ATP9A: variants seen among roughly 807,000 people sequenced by gnomAD.
ATP9A encodes the protein probable phospholipid-transporting ATPase IIA.
In ATP9A, 52 loss-of-function variants were observed where a neutral mutation model predicts 144.1. The observed-to-expected ratio is 0.36, with a 90% CI of 0.29 to 0.45. The LOEUF (loss-of-function observed/expected upper bound fraction) is 0.45. Among genes scored for constraint, ATP9A ranks in the 20% least tolerant of loss-of-function variants. The pLI is 1.00. For missense variants in ATP9A, 947 were observed against 1,392.7 expected (o/e 0.68, Z 5.09); for synonymous variants, 582 against 557.4 (o/e 1.04, Z -0.62).
At position 51,689,132 on chromosome 20, in the gene ATP9A, C is replaced by T. The variant is rs1171633020; in HGVS notation, c.731G>A (p.Ser244Asn). The T allele has an allele frequency of 3.1e-6, 5 of 1,613,950 alleles. No individual in the cohort carries two copies. The South Asian group carries it at 5.5e-5, about 18-fold the overall frequency. Residue 244 changes from serine to asparagine, a missense_variant, in exon 9 of 28, where the codon AGC (serine) becomes AAC (asparagine). Around this residue, in one of 2 missense-constraint regions of ATP9A, gnomAD observed 770 missense variants for 1,047.9 expected, o/e 0.73. Coordinates refer to ENST00000338821, the MANE Select transcript of ATP9A (RefSeq NM_006045.3). The part of the protein sequence containing the change: ...NFVGTFTRED[S>N]DPPISESLSI... Reference sequence around the variant, plus strand: ...CAGGCTCTCGCTGATCGGGGGGTCGCTGTCTTCCTGGAAAAGACCAAACGG... The same window carrying T: ...CAGGCTCTCGCTGATCGGGGGGTCGTTGTCTTCCTGGAAAAGACCAAACGG...
chr20:51,625,944 T>C (rs1014708330), intron 17 of ATP9A, among the ~76,000 whole-genome samples: 3 of 152,214 alleles, frequency 2.0e-5, no homozygotes, highest in African/African-American at 7.2e-5. Context: ...TGTTAAATAA[T>C]GGCTTACAAA....
chr20:51,702,331 A>G (rs1308262397), intron 4 of ATP9A, among the ~76,000 whole-genome samples: 5 of 149,016 alleles, frequency 3.4e-5, no homozygotes, highest in African/African-American at 1.2e-4. Context: ...ATAGATACAT[A>G]GTTTGGGCCT....
chr20:51,600,945 G>A lies in ATP9A; in HGVS notation c.*266C>T, dbSNP rs2077140167. ...CACAGTGACCCATATAAATCTCCCAGCTGAGCCACCAGCTTTAACATATTC... is the reference window on the plus strand; with the variant it reads ...CACAGTGACCCATATAAATCTCCCAACTGAGCCACCAGCTTTAACATATTC... On this transcript the variant is annotated 3_prime_UTR_variant, in exon 28 of 28. Transcript: ENST00000338821. 3.3e-6 allele frequency: 1 copy of A among 305,426 alleles called. No individual in the cohort carries two copies. Among genetic ancestry groups the A allele is most frequent in the African/African-American group, 2.1e-5 (1 of 46,704 alleles). 18.9% of individuals were successfully genotyped at this position (305,426 alleles called of 1,614,324 possible). A position where few individuals can be genotyped will look rare whatever the true frequency, so the allele number is the denominator to read the frequency against.
chr20:51,658,015 G>A (rs963271433), intron 13 of ATP9A, among the ~76,000 whole-genome samples: 1 of 152,224 alleles, frequency 6.6e-6, no homozygotes, highest in Non-Finnish European at 1.5e-5. Flanking sequence ...GAAAGGCCAG[G>A]AATGGGTTAA....
chr20:51,634,818 G>A (rs1601070819), intron 15 of ATP9A, among the ~76,000 whole-genome samples: 1 of 134,162 alleles, frequency 7.5e-6, no homozygotes, highest in Non-Finnish European at 1.5e-5. Context: ...TCACGCCATT[G>A]CACTCCAGTC....
intron 23 of ATP9A, among the ~76,000 whole-genome samples, chr20:51,610,651 G>GT (rs2077181502): frequency 6.6e-6 from 1 of 151,898 alleles, no homozygotes; most frequent in Admixed American, 6.6e-5. Context: ...AAGCCCAGCT[G>GT]TGGCCACAGC....
chr20:51,753,457 C>A (rs1409175669), intron 1 of ATP9A, among the ~76,000 whole-genome samples: 2 of 85,794 alleles, frequency 2.3e-5, no homozygotes, highest in Middle Eastern at 5.4e-3. Context: ...TCTCAAAAAA[C>A]AACAACAACA....
intron 18 of ATP9A, among the ~76,000 whole-genome samples, chr20:51,623,801 A>AGAAAG (rs1555829565): frequency 1.5e-5 from 2 of 133,390 alleles, no homozygotes; most frequent in Admixed American, 7.9e-5. Context: ...AAAAAAAAAA[A>AGAAAG]AAAGAAAGAA....
chr20:51,756,779 C>T lies in ATP9A; in HGVS notation c.68+11523G>A, dbSNP rs573386345. Among the ~76,000 whole-genome samples, 142 of 152,290 alleles carry T rather than the reference C, an allele frequency of 9.3e-4. 1 individual carries two copies. The highest frequency in any genetic ancestry group is 3.4e-3 in the African/African-American group (140 of 41,550). ...GGGAGGTGTGGGGGATCCACGTCTG[C>T]AACATTTCCCAAATGTTCTAACAGC... On this transcript the variant is annotated intron_variant, in intron 1 of 27. Transcript: ENST00000338821.
intron 19 of ATP9A, among the ~76,000 whole-genome samples, chr20:51,620,995 A>C (rs1265547593): frequency 6.6e-6 from 1 of 151,952 alleles, no homozygotes; most frequent in Non-Finnish European, 1.5e-5. Flanking sequence ...AAAAACACAA[A>C]AATTAGCCAG....
intron 14 of ATP9A, among the ~76,000 whole-genome samples, chr20:51,649,047 C>T (rs1341084033): frequency 6.6e-6 from 1 of 151,612 alleles, no homozygotes; most frequent in African/African-American, 2.4e-5. Flanking sequence ...CGGAAGCTTC[C>T]CCAGATGAGA....
At chr20:51,644,491 C>G (rs1044979972) in intron 14 of ATP9A, among the ~76,000 whole-genome samples, 2 of 151,132 alleles carry the variant, frequency 1.3e-5, no homozygotes, top group Non-Finnish European at 2.9e-5. Flanking sequence ...AGGATGGTCT[C>G]GATCTCCTGA....
chr20:51,695,466 GAA>G (rs5841858), intron 6 of ATP9A, among the ~76,000 whole-genome samples: 3 of 124,990 alleles, frequency 2.4e-5, no homozygotes, highest in Admixed American at 1.8e-4. Flanking sequence ...CGGTCTCAAG[GAA>G]AAAAAAAAAA....
Position 51,625,316 on chromosome 20 carries a change from T to A in ATP9A, c.1892A>T (p.Lys631Ile). The A allele has an allele frequency of 6.2e-7, 1 of 1,614,124 alleles. No individual in the cohort carries two copies. ...CAGGCTCTCGATCACCGTGGCCACT[T>A]TGAGGGAGCGGTCGTGCACACTCAG... The part of the protein sequence containing the change: ...AKLSVHDRSL[K>I]VATVIESLEM... Residue 631 changes from lysine (K) to isoleucine (I), a missense_variant, in exon 18 of 28, where the codon AAA becomes ATA. This residue lies in a region of ATP9A where 770 missense variants were observed against 1,047.9 expected (regional missense o/e 0.73). Coordinates refer to ENST00000338821, the MANE Select transcript of ATP9A (RefSeq NM_006045.3).
chr20:51,755,065 C>T (rs2122910082), intron 1 of ATP9A, among the ~76,000 whole-genome samples: 1 of 152,192 alleles, frequency 6.6e-6, no homozygotes, highest in African/African-American at 2.4e-5. Context: ...CTGCAGTGAG[C>T]CGAGACTGCA....
At chr20:51,666,410 G>A in intron 13 of ATP9A, among the ~76,000 whole-genome samples, 1 of 152,204 alleles carries the variant, frequency 6.6e-6, no homozygotes, top group East Asian at 1.9e-4. Context: ...GCCAGGCATG[G>A]TGACTCACGT....
At chr20:51,633,229 C>T (rs927422720) in intron 15 of ATP9A, among the ~76,000 whole-genome samples, 2 of 152,062 alleles carry the variant, frequency 1.3e-5, no homozygotes, top group East Asian at 1.9e-4. Context: ...TTCAACAGAA[C>T]GCTGCACATG....
At chr20:51,702,291 CA>C (rs568902724) in intron 4 of ATP9A, among the ~76,000 whole-genome samples, 2,101 of 101,244 alleles carry the variant, frequency 0.021, 66 homozygotes, top group African/African-American at 0.061. Flanking sequence ...GACTCTGTCT[CA>C]AAAAAAAAAA....
intron 1 of ATP9A, among the ~76,000 whole-genome samples, chr20:51,758,327 A>C (rs2077864944): frequency 6.6e-6 from 1 of 152,150 alleles, no homozygotes; most frequent in South Asian, 2.1e-4. Context: ...TTAAACCAAA[A>C]TCACCACCTT....
Sources: allele counts gnomAD v4.1 joint callset (sites outside exome capture counted in the v4.1 genomes callset), GRCh38; gene constraint gnomAD v4.1.1; regional missense constraint gnomAD v4.1.1; transcripts MANE v1.5; gene names NCBI Gene and HGNC (gene_info 2026-07-23, HGNC 2026-07-21).